The following CNTNAP4 variants were observed in gnomAD, a reference collection of about 807,000 sequenced individuals.
The protein encoded by CNTNAP4 is contactin associated protein family member 4, also known as contactin-associated protein-like 4.
CNTNAP4 carries 98 observed loss-of-function variants against 148.4 expected under a neutral mutation model. The observed-to-expected ratio is 0.66, with a 90% CI of 0.56 to 0.78. The LOEUF (loss-of-function observed/expected upper bound fraction) is 0.78, where lower values mean the gene tolerates loss of function less well. CNTNAP4 is among the 30% of genes least tolerant of loss of function. The pLI is 0.00. For missense variants in CNTNAP4, 1,935 were observed against 1,565.6 expected (o/e 1.24, Z -3.98); for synonymous variants, 730 against 565.1 (o/e 1.29, Z -4.14).
chr16:76,516,237 C>T (rs2083248237), intron 15 of CNTNAP4, among the ~76,000 whole-genome samples: 1 of 152,080 alleles, frequency 6.6e-6, no homozygotes, highest in African/African-American at 2.4e-5. Flanking sequence ...CTAATGGTTT[C>T]CAGATTCATC....
intron 4 of CNTNAP4, among the ~76,000 whole-genome samples, chr16:76,441,506 C>G (rs2080039099): frequency 6.6e-6 from 1 of 152,070 alleles, no homozygotes; most frequent in African/African-American, 2.4e-5. Context: ...TTCCTCGATT[C>G]TTGCTGTAAA....
rs138909648 is a variant in CNTNAP4, at chr16:76,466,161, A to T, written c.1484-1191A>T. On this transcript the variant is annotated intron_variant, in intron 9 of 23. Transcript: ENST00000611870. ...AATTGTTTTGATTTTTAGGTCCCAC[A>T]AATAAATGAGAACACATAATGTTTG... 1.0e-3 allele frequency among the ~76,000 whole-genome samples: 158 copies of T among 152,292 alleles called. 1 individual carries two copies. Among genetic ancestry groups the T allele is most frequent in the African/African-American group, 3.6e-3 (150 of 41,566 alleles).
At chr16:76,482,092 C>T (rs12598325) in intron 12 of CNTNAP4, among the ~76,000 whole-genome samples, 54,391 of 151,596 alleles carry the variant, frequency 0.36, 11,194 homozygotes, top group Middle Eastern at 0.48. Context: ...ATTGCAACTG[C>T]TCCTGGGTTA....
At chr16:76,386,469 A>G (rs577651095) in intron 3 of CNTNAP4, among the ~76,000 whole-genome samples, 2 of 152,122 alleles carry the variant, frequency 1.3e-5, no homozygotes, top group Non-Finnish European at 2.9e-5. Context: ...AGAATCATGC[A>G]TTTTGTTGAA....
chr16:76,555,638 C>A (rs907645613), intron 23 of CNTNAP4, among the ~76,000 whole-genome samples: 1 of 152,326 alleles, frequency 6.6e-6, no homozygotes, highest in African/African-American at 2.4e-5. Flanking sequence ...AATATTTAAT[C>A]TCTAGACTAT....
At chr16:76,487,378 A>G (rs1020637837) in intron 12 of CNTNAP4, among the ~76,000 whole-genome samples, 1 of 152,202 alleles carries the variant, frequency 6.6e-6, no homozygotes, top group African/African-American at 2.4e-5. Flanking sequence ...ATTCTCATAG[A>G]GCTTACAGAC....
intron 3 of CNTNAP4, among the ~76,000 whole-genome samples, chr16:76,420,247 T>G (rs2079136733): frequency 6.6e-6 from 1 of 151,968 alleles, no homozygotes; most frequent in Non-Finnish European, 1.5e-5. Flanking sequence ...CTGTAGAATA[T>G]ATATTAGAAT....
intron 3 of CNTNAP4, among the ~76,000 whole-genome samples, chr16:76,384,820 A>G (rs1397446970): frequency 1.3e-5 from 2 of 152,220 alleles, no homozygotes; most frequent in African/African-American, 4.8e-5. Flanking sequence ...ATCCATATTT[A>G]TAGCTCTGTT....
chr16:76,387,154 A>G (rs1433193683), intron 3 of CNTNAP4, among the ~76,000 whole-genome samples: 1 of 152,160 alleles, frequency 6.6e-6, no homozygotes, highest in East Asian at 1.9e-4. Context: ...TGTTGTTTTT[A>G]CCCACAAATT....
At chr16:76,476,519 G>T (rs1017167802) in intron 11 of CNTNAP4, among the ~76,000 whole-genome samples, 10 of 152,138 alleles carry the variant, frequency 6.6e-5, no homozygotes, top group Non-Finnish European at 1.0e-4. Context: ...TAGTCTGTTT[G>T]GATAGCTGTA....
intron 21 of CNTNAP4, among the ~76,000 whole-genome samples, chr16:76,552,762 G>C (rs1166307274): frequency 2.0e-5 from 3 of 152,058 alleles, no homozygotes; most frequent in African/African-American, 7.2e-5. Context: ...GTTATGTTTG[G>C]GTGGGGCCAT....
At chr16:76,511,755 C>G (rs1270833600) in intron 15 of CNTNAP4, among the ~76,000 whole-genome samples, 4 of 151,544 alleles carry the variant, frequency 2.6e-5, no homozygotes, top group Admixed American at 2.6e-4. Context: ...CTTTTCTTCC[C>G]TCTTTCCACT....
Position 76,539,764 on chromosome 16 carries a change from A to T in CNTNAP4, c.3266A>T (p.Asp1089Val). ...RYKLNKYQEP[D>V]VVNFDFKNMA... is the part of the protein sequence containing the mutation. ...AAGTTAAATAAATATCAAGAGCCTG[A>T]TGTTGTTAACTTTGATTTTAAAAAC... Residue 1089 changes from aspartate (D) to valine (V), a missense_variant, in exon 20 of 24, where the codon GAT becomes GTT. Coordinates refer to ENST00000611870, the MANE Select transcript of CNTNAP4 (RefSeq NM_033401.5). 1.2e-6 allele frequency: 2 copies of T among 1,603,274 alleles called. No homozygotes were observed. The highest frequency in any genetic ancestry group is 1.7e-6 in the Non-Finnish European group (2 of 1,174,872).
rs146480797 is a variant in CNTNAP4 at position 76,527,567 on chromosome 16, A to C, written c.2755+5310A>C. ...GAATGAGGTAAACGTGATTCTGAAA[A>C]GTAAGTACAGTTTTCAGCATGACTT... On this transcript the variant is annotated intron_variant, in intron 17 of 23. Coordinates refer to ENST00000611870, the MANE Select transcript of CNTNAP4 (RefSeq NM_033401.5). Among the ~76,000 whole-genome samples the C allele has an allele frequency of 3.3e-5, 5 of 152,330 alleles. No homozygotes were observed. The South Asian group carries it at 6.2e-4, about 19-fold the overall frequency.
At chr16:76,549,571 C>G (rs2084877248) in intron 21 of CNTNAP4, among the ~76,000 whole-genome samples, 1 of 152,034 alleles carries the variant, frequency 6.6e-6, no homozygotes, top group Non-Finnish European at 1.5e-5. Flanking sequence ...TAAAGCTATT[C>G]AAGGAGACAG....
intron 23 of CNTNAP4, among the ~76,000 whole-genome samples, chr16:76,554,975 T>C (rs2085129167): frequency 6.6e-6 from 1 of 151,754 alleles, no homozygotes; most frequent in Admixed American, 6.6e-5. Context: ...ATTCATATCA[T>C]ATATGAATAA....
intron 15 of CNTNAP4, among the ~76,000 whole-genome samples, chr16:76,513,244 C>T (rs555954240): frequency 6.6e-6 from 1 of 152,242 alleles, no homozygotes; most frequent in South Asian, 2.1e-4. Context: ...GAGGAGGTCA[C>T]TTCTGTCTTC....
chr16:76,460,773 A>AAATATATATATATATATAT, intron 8 of CNTNAP4, among the ~76,000 whole-genome samples: 3 of 57,318 alleles, frequency 5.2e-5, no homozygotes, highest in African/African-American at 1.3e-4. Context: ...AAAAAAAAAA[A>AAATATATATATATATATAT]ATATATATAT....
At chr16:76,480,180 A>G (rs1158253171) in intron 12 of CNTNAP4, among the ~76,000 whole-genome samples, 1 of 152,186 alleles carries the variant, frequency 6.6e-6, no homozygotes, top group Non-Finnish European at 1.5e-5. Flanking sequence ...AAAAAAGACC[A>G]AGATTCTCAC....
Sources: allele counts gnomAD v4.1 joint callset (sites outside exome capture counted in the v4.1 genomes callset), GRCh38; gene constraint gnomAD v4.1.1; transcripts MANE v1.5; gene names NCBI Gene and HGNC (gene_info 2026-07-23, HGNC 2026-07-21).